SOX5: variants seen among roughly 807,000 people sequenced by gnomAD.
SOX5 encodes SRY-box transcription factor 5.
In SOX5, 9 loss-of-function variants were observed where a neutral mutation model predicts 92.0. The ratio of observed to expected loss-of-function variants is 0.10; its 90% CI spans 0.06 to 0.17. SOX5 has a LOEUF of 0.17. Ranked by LOEUF, SOX5 falls within the 10% of genes least tolerant of loss-of-function variation. The pLI is 1.00. For missense variants in SOX5, 642 were observed against 944.5 expected, an observed-to-expected ratio of 0.68 and a Z score of 4.20; for synonymous variants, 344 against 336.3, an observed-to-expected ratio of 1.02 and a Z score of -0.25.
chr12:23,534,593 A>G, intron 14 of SOX5, 71 bp from the exon 15 acceptor site: 1 of 1,234,626 alleles, frequency 8.1e-7, no homozygotes, highest in Non-Finnish European at 1.1e-6. Context: ...TTACTACATA[A>G]TTAATTTGCT....
chr12:23,634,037 A>C (rs1367612269), intron 8 of SOX5, among the ~76,000 whole-genome samples: 1 of 152,156 alleles, frequency 6.6e-6, no homozygotes, highest in East Asian at 1.9e-4. Context: ...AAGAAAAAAC[A>C]TCAAGTTCCC....
intron 2 of SOX5, among the ~76,000 whole-genome samples, chr12:24,352,918 A>G (rs1444812999): frequency 1.3e-5 from 2 of 152,294 alleles, no homozygotes; most frequent in African/African-American, 2.4e-5. Flanking sequence ...TGGCAGGTAC[A>G]AGGTCTTTGA....
intron 1 of SOX5, among the ~76,000 whole-genome samples, chr12:24,410,353 GC>G (rs1351591939): frequency 2.6e-5 from 4 of 152,122 alleles, no homozygotes; most frequent in African/African-American, 9.7e-5. Flanking sequence ...TTTTCCTCCA[GC>G]TTTTGGTATA....
chr12:24,149,705 G>T (rs1951465807), intron 4 of SOX5, among the ~76,000 whole-genome samples: 1 of 152,076 alleles, frequency 6.6e-6, no homozygotes, highest in African/African-American at 2.4e-5. Flanking sequence ...GCCATAAAAA[G>T]TTTGCATACA....
chr12:23,940,737 ATAAG>A (rs1238030890), intron 1 of SOX5, among the ~76,000 whole-genome samples: 8 of 132,174 alleles, frequency 6.1e-5, no homozygotes, highest in Admixed American at 4.0e-4. Context: ...TACAGAGGAG[ATAAG>A]TATTACACAC....
At chr12:23,856,215 A>G (rs1367176180) in intron 2 of SOX5, among the ~76,000 whole-genome samples, 1 of 152,150 alleles carries the variant, frequency 6.6e-6, no homozygotes, top group African/African-American at 2.4e-5. Context: ...GTCGTTCTTA[A>G]TGTAAAATAT....
intron 2 of SOX5, among the ~76,000 whole-genome samples, chr12:23,868,766 CA>C (rs1297336198): frequency 6.6e-6 from 1 of 152,034 alleles, no homozygotes; most frequent in Non-Finnish European, 1.5e-5. Flanking sequence ...GGTCTGGAAA[CA>C]AACCAGTATT....
At position 23,866,098 on chromosome 12, in the gene SOX5, C is replaced by T. The variant is rs538533300; in HGVS notation, c.271-19905G>A. Among the ~76,000 whole-genome samples, 70 of 152,190 alleles carry T rather than the reference C, an allele frequency of 4.6e-4. 1 individual carries two copies. Among genetic ancestry groups the T allele is most frequent in the South Asian group, 2.1e-3 (10 of 4,810 alleles). ...CTCCTGATGAAGATCCTGTGAACAC[C>T]GTTGAAATAACAACAAAGTATTTAG... On this transcript the variant is annotated intron_variant, in intron 2 of 14. Coordinates refer to ENST00000451604, the MANE Select transcript of SOX5 (RefSeq NM_006940.6).
chr12:23,785,728 C>T (rs927067879), intron 3 of SOX5, among the ~76,000 whole-genome samples: 5 of 152,068 alleles, frequency 3.3e-5, no homozygotes, highest in Non-Finnish European at 4.4e-5. Context: ...TTGGAATATA[C>T]ATATGCCCAG....
chr12:23,853,793 G>A (rs1471503231), intron 2 of SOX5, among the ~76,000 whole-genome samples: 1 of 152,098 alleles, frequency 6.6e-6, no homozygotes, highest in Non-Finnish European at 1.5e-5. Flanking sequence ...GGGATGATAT[G>A]TGCTCTGTGT....
chr12:24,453,358 C>T (rs527340916), intron 1 of SOX5, among the ~76,000 whole-genome samples: 1 of 152,146 alleles, frequency 6.6e-6, no homozygotes, highest in Non-Finnish European at 1.5e-5. Flanking sequence ...TTACACTCTA[C>T]TCATGAAAGC....
At chr12:23,716,109 G>A (rs1420132813) in intron 6 of SOX5, among the ~76,000 whole-genome samples, 1 of 152,182 alleles carries the variant, frequency 6.6e-6, no homozygotes, top group East Asian at 1.9e-4. Context: ...GTGTTGTGAT[G>A]CATGATGAAA....
intron 1 of SOX5, among the ~76,000 whole-genome samples, chr12:24,455,016 A>G (rs9668967): frequency 0.3 from 44,945 of 152,130 alleles, 6,871 homozygotes; most frequent in Middle Eastern, 0.35. Context: ...CACCTCGTTT[A>G]TCCCACCAAA....
At chr12:23,555,881 A>G (rs781736338) in intron 11 of SOX5, among the ~76,000 whole-genome samples, 1 of 152,232 alleles carries the variant, frequency 6.6e-6, no homozygotes, top group Non-Finnish European at 1.5e-5. Flanking sequence ...GAAAAGACAC[A>G]GAAGAAAACC....
In SOX5 at chr12:23,693,565, A is replaced by C. The variant is rs890935171; in HGVS notation, c.811-28001T>G. On this transcript the variant is annotated intron_variant, in intron 6 of 14. Transcript: ENST00000451604. ...CAGATATTTAAAATGCTTTTTTCTT[A>C]CTCTGTCTTGATATTTATTAACATT... is the stretch of plus-strand genomic sequence containing the variant. Among the ~76,000 whole-genome samples, 4 of 151,788 alleles carry C rather than the reference A, an allele frequency of 2.6e-5. No homozygotes were observed. The East Asian group carries it at 7.7e-4, about 29-fold the overall frequency.
At chr12:24,018,803 AAAAT>A (rs1953965321) in intron 4 of SOX5, among the ~76,000 whole-genome samples, 3 of 152,252 alleles carry the variant, frequency 2.0e-5, no homozygotes, top group African/African-American at 7.2e-5. Flanking sequence ...GTCTGGAAAA[AAAAT>A]AAATAAATAA....
At chr12:23,864,840 T>C (rs1358552497) in intron 2 of SOX5, among the ~76,000 whole-genome samples, 1 of 152,206 alleles carries the variant, frequency 6.6e-6, no homozygotes, top group African/African-American at 2.4e-5. Context: ...AAGACCTAGC[T>C]AAGATAATTG....
rs73287623 is a variant in SOX5 at position 24,319,260 on chromosome 12, C to T, written c.-173-41948G>A. 6.7e-3 allele frequency among the ~76,000 whole-genome samples: 1,022 copies of T among 152,308 alleles called. 10 individuals carry two copies. The highest frequency in any genetic ancestry group is 0.024 in the African/African-American group (977 of 41,562). ...GCACTAAGCATGCTCATTCACGCAT[C>T]CCCCTCAAGCTGACATATTCTCTCC... On this transcript the variant is annotated intron_variant, in intron 2 of 4. Coordinates refer to the SOX5 transcript ENST00000446891.
chr12:23,900,400 T>G (rs1213757238), intron 1 of SOX5, among the ~76,000 whole-genome samples: 1 of 152,182 alleles, frequency 6.6e-6, no homozygotes, highest in Non-Finnish European at 1.5e-5. Flanking sequence ...ATAATCACTC[T>G]GCAAGTAGGC....
Sources: gnomAD v4.1 joint callset for allele counts (sites outside exome capture counted in the v4.1 genomes callset) on GRCh38, gnomAD v4.1.1 for gene constraint, MANE v1.5 for transcripts, NCBI Gene and HGNC (gene_info 2026-07-23, HGNC 2026-07-21) for gene names.